OTUD7A: variants seen among roughly 807,000 people sequenced by gnomAD.
OTUD7A encodes OTU deubiquitinase 7A.
Under a neutral mutation model 65.7 loss-of-function variants are expected in OTUD7A, and 12 were observed. That is an observed-to-expected ratio of 0.18 (90% CI 0.12 to 0.30). OTUD7A has a LOEUF of 0.30. OTUD7A is among the 10% of genes least tolerant of loss of function. The pLI is 1.00. For missense variants in OTUD7A, 1,148 were observed against 1,304.8 expected, an observed-to-expected ratio of 0.88 and a Z score of 1.85; for synonymous variants, 641 against 586.3, an observed-to-expected ratio of 1.09 and a Z score of -1.35.
intron 1 of OTUD7A, among the ~76,000 whole-genome samples, chr15:31,829,416 C>T (rs558606244): frequency 2.0e-5 from 3 of 152,324 alleles, no homozygotes; most frequent in Admixed American, 1.3e-4. Context: ...AAGGCTTCTG[C>T]CATCTTTCGT....
intron 3 of OTUD7A, among the ~76,000 whole-genome samples, chr15:31,624,991 G>A (rs1890907393): frequency 6.6e-6 from 1 of 152,192 alleles, no homozygotes; most frequent in Admixed American, 6.5e-5. Flanking sequence ...CCTATGTGAT[G>A]GGATGTCACT....
At chr15:31,512,838 T>C in intron 8 of OTUD7A, among the ~76,000 whole-genome samples, 1 of 152,316 alleles carries the variant, frequency 6.6e-6, no homozygotes, top group Middle Eastern at 3.4e-3. Context: ...AGTATGTTGA[T>C]TTTTTTATTA....
intron 5 of OTUD7A, among the ~76,000 whole-genome samples, chr15:31,531,521 A>AG (rs1491190889): frequency 5.5e-5 from 2 of 36,212 alleles, no homozygotes; most frequent in Non-Finnish European, 1.0e-4. Flanking sequence ...AGTAGGCCAC[A>AG]AAAAAAAAAA....
intron 1 of OTUD7A, among the ~76,000 whole-genome samples, chr15:31,806,578 A>G (rs776184964): frequency 1.3e-5 from 2 of 152,202 alleles, no homozygotes; most frequent in East Asian, 1.9e-4. Flanking sequence ...TGCAAAGCCA[A>G]CAAGGACCCC....
At chr15:31,593,645 G>C (rs1889818280) in intron 3 of OTUD7A, among the ~76,000 whole-genome samples, 2 of 152,174 alleles carry the variant, frequency 1.3e-5, no homozygotes, top group Non-Finnish European at 1.5e-5. Flanking sequence ...TACAACAGGA[G>C]GTCAGCGGGG....
chr15:31,783,555 C>G (rs1895596367), intron 1 of OTUD7A, among the ~76,000 whole-genome samples: 1 of 152,164 alleles, frequency 6.6e-6, no homozygotes, highest in African/African-American at 2.4e-5. Flanking sequence ...AAACCGAAAA[C>G]AGTTTAAGAA....
intron 1 of OTUD7A, among the ~76,000 whole-genome samples, chr15:31,860,681 A>ATATATATATATATATGTATGTG: frequency 9.2e-6 from 1 of 108,890 alleles, no homozygotes; most frequent in South Asian, 3.2e-4. Flanking sequence ...ATGTGTGTAT[A>ATATATATATATATATGTATGTG]TATATATATA....
chr15:31,534,205 T>C (rs2141126994), intron 5 of OTUD7A, among the ~76,000 whole-genome samples: 1 of 152,242 alleles, frequency 6.6e-6, no homozygotes, highest in Non-Finnish European at 1.5e-5. Context: ...CACAGTAACA[T>C]ATACAAAGAA....
At chr15:31,694,205 G>T (rs1019075100) in intron 1 of OTUD7A, among the ~76,000 whole-genome samples, 1 of 152,150 alleles carries the variant, frequency 6.6e-6, no homozygotes, top group Admixed American at 6.5e-5. Flanking sequence ...CAGCGCAGGT[G>T]TGTGAAGGGT....
At chr15:31,644,883 AC>A (rs1377101775) in intron 3 of OTUD7A, among the ~76,000 whole-genome samples, 11 of 152,180 alleles carry the variant, frequency 7.2e-5, no homozygotes, top group Admixed American at 3.3e-4. Flanking sequence ...GAGCACAGGC[AC>A]TTTCCATGGC....
At chr15:31,846,839 C>T (rs192799400) in intron 1 of OTUD7A, among the ~76,000 whole-genome samples, 430 of 152,296 alleles carry the variant, frequency 2.8e-3, no homozygotes, top group Middle Eastern at 6.8e-3. Context: ...TCTTCTCCAA[C>T]GAGTAGGTAT....
chr15:31,578,854 G>T (rs1889286236), intron 3 of OTUD7A, among the ~76,000 whole-genome samples: 1 of 152,110 alleles, frequency 6.6e-6, no homozygotes, highest in South Asian at 2.1e-4. Flanking sequence ...CCTGGCCCCA[G>T]TGTACATCTT....
intron 1 of OTUD7A, among the ~76,000 whole-genome samples, chr15:31,858,195 G>C (rs140082136): frequency 2.6e-5 from 4 of 152,306 alleles, no homozygotes; most frequent in African/African-American, 2.4e-5. Context: ...GGAGCAGGGA[G>C]AGAGCCTATA....
intron 1 of OTUD7A, among the ~76,000 whole-genome samples, chr15:31,836,359 C>T (rs1165456513): frequency 6.6e-6 from 1 of 152,172 alleles, no homozygotes; most frequent in Non-Finnish European, 1.5e-5. Context: ...TTCAGTTCTT[C>T]TGAAGTACTC....
chr15:31,700,548 T>C (rs906627219), intron 1 of OTUD7A, among the ~76,000 whole-genome samples: 3 of 152,252 alleles, frequency 2.0e-5, no homozygotes, highest in Non-Finnish European at 2.9e-5. Flanking sequence ...TCAGTCTTTC[T>C]CTTTTCCTCT....
chr15:31,824,498 C>T (rs1896755592), intron 1 of OTUD7A, among the ~76,000 whole-genome samples: 1 of 152,152 alleles, frequency 6.6e-6, no homozygotes, highest in African/African-American at 2.4e-5. Flanking sequence ...AGAGAAATGC[C>T]TCTTTACTGT....
At chr15:31,517,893 G>A (rs562196254) in intron 8 of OTUD7A, among the ~76,000 whole-genome samples, 2 of 152,262 alleles carry the variant, frequency 1.3e-5, no homozygotes, top group East Asian at 3.9e-4. Flanking sequence ...AAGAGCGCGT[G>A]TCATAGATAA....
At position 31,483,820 on chromosome 15, in the gene OTUD7A, G is replaced by A. The variant is rs1267328723; in HGVS notation, c.2276C>T (p.Ala759Val). ...TASPGGGARR[A>V]SASGPVPGRS... ...GCCAGGCACTGGTCCGCTGGCGCTC[G>A]CACGCCGCGCGCCTCCCCCCGGGGA... is the stretch of plus-strand genomic sequence containing the variant. The change falls in exon 13 of 13, where the codon GCG becomes GTG. Residue 759 changes from alanine to valine, a missense_variant. This residue lies in a region of OTUD7A where 842 missense variants were observed against 769.5 expected (regional missense o/e 1.09). Transcript: ENST00000307050. 3.0e-6 allele frequency: 3 copies of A among 991,974 alleles called. No individual in the cohort carries two copies. The highest frequency in any genetic ancestry group is 1.8e-5 in the African/African-American group (1 of 56,220). The allele number at this position is 991,974 out of a possible 1,614,324, so 61.4% of individuals were successfully genotyped here.
At chr15:31,572,016 T>C (rs1889070648) in intron 3 of OTUD7A, among the ~76,000 whole-genome samples, 1 of 152,230 alleles carries the variant, frequency 6.6e-6, no homozygotes, top group Non-Finnish European at 1.5e-5. Context: ...TCTTCTTTTC[T>C]CTTAATTTAT....
Sources: gnomAD v4.1 joint callset for allele counts (sites outside exome capture counted in the v4.1 genomes callset) on GRCh38, gnomAD v4.1.1 for gene constraint, gnomAD v4.1.1 regional missense constraint, MANE v1.5 for transcripts, NCBI Gene and HGNC (gene_info 2026-07-23, HGNC 2026-07-21) for gene names.